The following SPATA6L variants were observed in gnomAD, a reference collection of about 807,000 sequenced individuals.
The protein encoded by SPATA6L is spermatogenesis associated 6 like, also known as spermatogenesis associated 6-like protein.
In SPATA6L, 68 loss-of-function variants were observed where a neutral mutation model predicts 49.2. The observed-to-expected ratio is 1.38, with a 90% CI of 1.14 to 1.69. The LOEUF is 1.69. Ranked by LOEUF, SPATA6L falls within the 40% of genes most tolerant of loss-of-function variation. The probability of loss-of-function intolerance (pLI) is 0.00; values close to 1 mark genes in which losing one functional copy is unlikely to be tolerated. For synonymous variants in SPATA6L, 198 were observed against 165.7 expected (o/e 1.19, Z -1.50); for missense variants, 668 against 464.3 (o/e 1.44, Z -4.03).
At chr9:4,633,454 G>C (rs1832070580) in intron 4 of SPATA6L, 1 of 155,018 alleles carries the variant, frequency 6.5e-6, no homozygotes, top group South Asian at 2.0e-4. Context: ...AGCAGAATCT[G>C]CACTTTTCAA....
At chr9:4,656,831 C>T (rs1161633461) in intron 2 of SPATA6L, among the ~76,000 whole-genome samples, 1 of 152,182 alleles carries the variant, frequency 6.6e-6, no homozygotes, top group African/African-American at 2.4e-5. Context: ...TAAATGTTAA[C>T]TGAATGAATG....
intron 9 of SPATA6L, among the ~76,000 whole-genome samples, chr9:4,612,992 C>A (rs1157358702): frequency 3.3e-5 from 5 of 152,092 alleles, no homozygotes; most frequent in Non-Finnish European, 5.9e-5. Flanking sequence ...CTTTGGAAGG[C>A]TGAGGCGGGC....
intron 9 of SPATA6L, among the ~76,000 whole-genome samples, chr9:4,616,966 A>G (rs1828172287): frequency 2.0e-5 from 3 of 152,206 alleles, no homozygotes; most frequent in Admixed American, 2.0e-4. Flanking sequence ...ACGTTAATGG[A>G]TTTTATTAAA....
At chr9:4,597,751 G>T (rs569167802), downstream of SPATA6L, among the ~76,000 whole-genome samples, 76 of 152,312 alleles carry the variant, frequency 5.0e-4, no homozygotes, top group African/African-American at 1.7e-3. Context: ...CCTAAGACCT[G>T]CAGGTCCGCT....
intron 9 of SPATA6L, among the ~76,000 whole-genome samples, chr9:4,606,814 G>C (rs1458449284): frequency 2.0e-5 from 3 of 148,502 alleles, no homozygotes; most frequent in Non-Finnish European, 3.0e-5. Context: ...GACGAGCTGA[G>C]AGAAGAAGGC....
chr9:4,640,821 G>C (rs1833871825), intron 3 of SPATA6L, among the ~76,000 whole-genome samples: 1 of 149,574 alleles, frequency 6.7e-6, no homozygotes, highest in South Asian at 2.1e-4. Flanking sequence ...CTGAAATTGA[G>C]AGATTGTAAA....
At position 4,662,565 on chromosome 9, in the gene SPATA6L, C is replaced by G; in HGVS notation, c.40-529G>C. ...CGCCCGGCTCCGTGCATCGGAGAGC[C>G]CAGTTCACCGCCGCGGCTCCTTCCC... is the stretch of plus-strand genomic sequence containing the variant. On this transcript the variant is annotated intron_variant, in intron 1 of 11. Coordinates refer to ENST00000682582, the MANE Select transcript of SPATA6L (RefSeq NM_001353486.2). The surrounding 1 kb of genome is among the most constrained non-coding windows in gnomAD (Gnocchi z 4.9). 4.4e-6 allele frequency: 7 copies of G among 1,585,888 alleles called. No individual in the cohort carries two copies. The highest frequency in any genetic ancestry group is 6.0e-6 in the Non-Finnish European group (7 of 1,174,578).
At chr9:4,628,936 T>C (rs1830876953) in intron 5 of SPATA6L, 155 bp downstream of exon 5, 1 of 613,586 alleles carries the variant, frequency 1.6e-6, no homozygotes, top group Non-Finnish European at 2.8e-6. Flanking sequence ...GAGCAAACAG[T>C]TTGAATTATA....
In SPATA6L at chr9:4,662,381, A is replaced by ATTG; in HGVS notation, c.40-346_40-345insCAA. On this transcript the variant is annotated intron_variant, in intron 1 of 11. Coordinates refer to ENST00000682582, the MANE Select transcript of SPATA6L (RefSeq NM_001353486.2). This position sits in a 1 kb window ranked among gnomAD's most constrained non-coding sequence, Gnocchi z 4.9. ...GATCCGGGCCGCCAGCTGCGATGCC[A>ATTG]AGTCCCCGGAGGAGCATGGAGGGAC... 6.6e-7 allele frequency: 1 copy of ATTG among 1,517,532 alleles called. No individual in the cohort carries two copies. Among genetic ancestry groups the ATTG allele is most frequent in the Non-Finnish European group, 8.8e-7 (1 of 1,140,388 alleles). The allele number at this position is 1,517,532 out of a possible 1,614,324, so 94.0% of individuals were successfully genotyped here.
At chr9:4,595,796 G>A (rs780024029), downstream of SPATA6L, among the ~76,000 whole-genome samples, 6 of 152,144 alleles carry the variant, frequency 3.9e-5, no homozygotes, top group East Asian at 1.9e-4. Context: ...AATATGAGAC[G>A]ATTATAAAGT....
chr9:4,606,364 G>A (rs556878676), intron 9 of SPATA6L, among the ~76,000 whole-genome samples: 1 of 134,826 alleles, frequency 7.4e-6, no homozygotes, highest in South Asian at 2.5e-4. Flanking sequence ...CAAACAAAAA[G>A]ACAGCAGTAA....
intron 3 of SPATA6L, among the ~76,000 whole-genome samples, chr9:4,645,508 C>G (rs1431648300): frequency 1.3e-5 from 2 of 152,102 alleles, no homozygotes; most frequent in Non-Finnish European, 2.9e-5. Context: ...GGGTGCTGAG[C>G]ATGCTAGCTC....
chr9:4,662,126 C>A lies in SPATA6L; in HGVS notation c.40-90G>T, dbSNP rs1204563780. On this transcript the variant is annotated intron_variant, in intron 1 of 11. Transcript: ENST00000682582. The surrounding 1 kb of genome is among the most constrained non-coding windows in gnomAD (Gnocchi z 4.9). ...GGGCTCTATTTCTCTTAAGCTCCTA[C>A]AGACACTGACATTTTCCCCATCACC... is the stretch of plus-strand genomic sequence containing the variant. 1 of 1,519,452 alleles carries A rather than the reference C, an allele frequency of 6.6e-7. No individual in the cohort carries two copies. Among genetic ancestry groups the A allele is most frequent in the Middle Eastern group, 1.8e-4 (1 of 5,704 alleles). The allele number at this position is 1,519,452 out of a possible 1,614,324, so 94.1% of individuals were successfully genotyped here.
chr9:4,599,293 T>G lies in SPATA6L; in HGVS notation c.*1518A>C, dbSNP rs1317037388. On this transcript the variant is annotated 3_prime_UTR_variant, in exon 12 of 12. Transcript: ENST00000682582. Reference sequence around the variant, plus strand: ...GATTTTTAGATTGGGAGGTTCAACTTGGATATACCTTTATTTGGCTGAAAT... The same window carrying G: ...GATTTTTAGATTGGGAGGTTCAACTGGGATATACCTTTATTTGGCTGAAAT... Among the ~76,000 whole-genome samples the G allele has an allele frequency of 6.6e-6, 1 of 152,348 alleles. No individual in the cohort carries two copies. The highest frequency in any genetic ancestry group is 1.9e-4 in the East Asian group (1 of 5,190).
chr9:4,664,451 T>C (rs1014037265), intron 1 of SPATA6L: 5 of 167,038 alleles, frequency 3.0e-5, no homozygotes, highest in African/African-American at 1.2e-4. Flanking sequence ...AGGCACAAGA[T>C]AAAACTCCAA....
intron 7 of SPATA6L, among the ~76,000 whole-genome samples, chr9:4,619,150 T>C (rs933345982): frequency 6.1e-5 from 9 of 148,360 alleles, no homozygotes; most frequent in African/African-American, 2.3e-4. Context: ...ACAGTCAGGT[T>C]TTCTCTTTTT....
At chr9:4,603,733 G>C (rs767352951) in intron 11 of SPATA6L, among the ~76,000 whole-genome samples, 2 of 152,130 alleles carry the variant, frequency 1.3e-5, no homozygotes, top group Non-Finnish European at 2.9e-5. Context: ...ATTTATGAAG[G>C]AAAAATGCTG....
intron 11 of SPATA6L, among the ~76,000 whole-genome samples, chr9:4,603,357 G>C (rs1303080368): frequency 6.6e-6 from 1 of 152,198 alleles, no homozygotes; most frequent in South Asian, 2.1e-4. Flanking sequence ...TTGAACCTGG[G>C]GGGTGGAGGT....
intron 3 of SPATA6L, among the ~76,000 whole-genome samples, chr9:4,645,004 A>C (rs1376723557): frequency 6.6e-6 from 1 of 152,250 alleles, no homozygotes; most frequent in Admixed American, 6.5e-5. Context: ...ATTGTTCTGC[A>C]AAAGTGGCTA....
Sources: gnomAD v4.1 joint callset for allele counts (sites outside exome capture counted in the v4.1 genomes callset) on GRCh38, gnomAD v4.1.1 for gene constraint, Gnocchi (gnomAD v3.1) non-coding constraint, MANE v1.5 for transcripts, NCBI Gene and HGNC (gene_info 2026-07-23, HGNC 2026-07-21) for gene names.